ATP8A1: variants seen among roughly 807,000 people sequenced by gnomAD.
ATP8A1 encodes the protein phospholipid-transporting ATPase IA.
A neutral mutation model predicts 177.7 loss-of-function variants in ATP8A1; 90 were observed. That is an observed-to-expected ratio of 0.51 (90% CI 0.43 to 0.60). The LOEUF (loss-of-function observed/expected upper bound fraction) is 0.60. ATP8A1 is among the 20% of genes least tolerant of loss of function. The probability of loss-of-function intolerance (pLI) is 0.00; values close to 1 mark genes in which losing one functional copy is unlikely to be tolerated. For missense variants in ATP8A1, 1,072 were observed against 1,392.8 expected (o/e 0.77, Z 3.67); for synonymous variants, 493 against 485.9 (o/e 1.01, Z -0.19).
At chr4:42,511,082 T>A (rs1486978457) in intron 22 of ATP8A1, among the ~76,000 whole-genome samples, 1 of 152,198 alleles carries the variant, frequency 6.6e-6, no homozygotes, top group Non-Finnish European at 1.5e-5. Context: ...CGTGTTAATT[T>A]TCCCTTTATC....
Position 42,559,346 on chromosome 4 carries a change from G to A in ATP8A1, c.1341-3306C>T, listed in dbSNP as rs116819995. On this transcript the variant is annotated intron_variant, in intron 15 of 36. Transcript: ENST00000381668. ...GATCAACAATGTAGTACAACAATGA[G>A]CAAAGGATATAAACACACAATTCAC... is the stretch of plus-strand genomic sequence containing the variant. Among the ~76,000 whole-genome samples the A allele has an allele frequency of 6.6e-3, 1,000 of 152,242 alleles. 8 individuals are homozygous for A. Among genetic ancestry groups the A allele is most frequent in the Middle Eastern group, 0.021 (6 of 292 alleles).
Position 42,569,210 on chromosome 4 carries a change from A to T in ATP8A1, c.1296-5T>A, listed in dbSNP as rs1731663516. ...TCCTCAGGTTCAGGGACATGGCTTCAGAAAGCAAGAAGAGAGGCAGAAAGA... is the reference window on the plus strand; with the variant it reads ...TCCTCAGGTTCAGGGACATGGCTTCTGAAAGCAAGAAGAGAGGCAGAAAGA... On this transcript the variant is annotated splice_region_variant and splice_polypyrimidine_tract_variant and intron_variant, in intron 14 of 36. Transcript: ENST00000381668. 6.2e-7 allele frequency: 1 copy of T among 1,604,404 alleles called. No individual in the cohort carries two copies. Among genetic ancestry groups the T allele is most frequent in the African/African-American group, 1.3e-5 (1 of 74,386 alleles).
At chr4:42,638,976 A>G (rs558028561) in intron 1 of ATP8A1, among the ~76,000 whole-genome samples, 74 of 152,212 alleles carry the variant, frequency 4.9e-4, no homozygotes, top group Non-Finnish European at 1.0e-3. Flanking sequence ...TGTATCAAAG[A>G]GTTTTTGACT....
At chr4:42,627,470 A>G (rs891839662) in intron 1 of ATP8A1, among the ~76,000 whole-genome samples, 5 of 152,268 alleles carry the variant, frequency 3.3e-5, no homozygotes, top group African/African-American at 1.2e-4. Context: ...AAGGTAATTT[A>G]AAATATAGTC....
At chr4:42,608,833 T>C (rs572592163) in intron 5 of ATP8A1, among the ~76,000 whole-genome samples, 2 of 152,300 alleles carry the variant, frequency 1.3e-5, no homozygotes, top group Admixed American at 6.5e-5. Context: ...GACTATGGCT[T>C]TGACTGGGGC....
chr4:42,516,315 C>T (rs892993039), intron 22 of ATP8A1, among the ~76,000 whole-genome samples: 2 of 152,088 alleles, frequency 1.3e-5, no homozygotes, highest in African/African-American at 4.8e-5. Flanking sequence ...TCTGAGTTTA[C>T]TCTTAAGCTC....
At chr4:42,488,443 C>T (rs571487536) in intron 24 of ATP8A1, among the ~76,000 whole-genome samples, 1 of 152,048 alleles carries the variant, frequency 6.6e-6, no homozygotes, top group African/African-American at 2.4e-5. Context: ...CCAGGCGCAG[C>T]AAGTTAGAAA....
Position 42,602,778 on chromosome 4 carries a change from ATAAAATAAAAT to A in ATP8A1, c.410-2271_410-2261del, listed in dbSNP as rs1307618643. 1.2e-3 allele frequency among the ~76,000 whole-genome samples: 181 copies of A among 150,696 alleles called. 3 individuals carry two copies. Among genetic ancestry groups the A allele is most frequent in the Admixed American group, 0.012 (176 of 15,198 alleles). ...AGCAAGACTCCGTCTCAAAAATAAA[ATAAAATAAAAT>A]TAAAATAAATAAATAAATAAATAAA... On this transcript the variant is annotated intron_variant, in intron 5 of 36. Coordinates refer to ENST00000381668, the MANE Select transcript of ATP8A1 (RefSeq NM_006095.2).
chr4:42,504,134 C>T (rs1255566929), intron 23 of ATP8A1, among the ~76,000 whole-genome samples: 1 of 152,176 alleles, frequency 6.6e-6, no homozygotes, highest in African/African-American at 2.4e-5. Flanking sequence ...TAAAATAATT[C>T]CACTATGTGA....
rs1032281414 is a variant in ATP8A1 at position 42,409,083 on chromosome 4, T to C, written c.*3833A>G. Reference sequence around the variant, plus strand: ...TTAAAAAAGTTGTGCAGAGGACCAATTAATTTGTCTACTGAATTTTAAATT... The same window carrying C: ...TTAAAAAAGTTGTGCAGAGGACCAACTAATTTGTCTACTGAATTTTAAATT... On this transcript the variant is annotated 3_prime_UTR_variant, in exon 37 of 37. Transcript: ENST00000381668. 5.3e-5 allele frequency: 8 copies of C among 152,184 alleles called. No homozygotes were observed. Among genetic ancestry groups the C allele is most frequent in the African/African-American group, 1.7e-4 (7 of 41,458 alleles). The allele number at this position is 152,184 out of a possible 1,614,324, so 9.4% of individuals were successfully genotyped here.
At chr4:42,610,908 C>T (rs895518938) in intron 5 of ATP8A1, among the ~76,000 whole-genome samples, 1 of 152,096 alleles carries the variant, frequency 6.6e-6, no homozygotes, top group Non-Finnish European at 1.5e-5. Context: ...GGGGTACCTC[C>T]AGAGAGACAA....
intron 1 of ATP8A1, among the ~76,000 whole-genome samples, chr4:42,649,053 G>A (rs568324699): frequency 3.8e-4 from 58 of 152,100 alleles, no homozygotes; most frequent in African/African-American, 1.3e-3. Context: ...CCATTTCTAG[G>A]GACTTTGAAC....
At chr4:42,487,546 A>T (rs988051303) in intron 24 of ATP8A1, among the ~76,000 whole-genome samples, 3 of 152,020 alleles carry the variant, frequency 2.0e-5, no homozygotes, top group African/African-American at 7.2e-5. Context: ...TATATAATAA[A>T]ATATACCTAC....
At chr4:42,419,896 G>A (rs1713677865) in intron 35 of ATP8A1, among the ~76,000 whole-genome samples, 1 of 152,126 alleles carries the variant, frequency 6.6e-6, no homozygotes. Context: ...CCAGCTACTA[G>A]GGAGGCTGAG....
intron 15 of ATP8A1, among the ~76,000 whole-genome samples, chr4:42,564,226 C>T (rs1035685192): frequency 1.3e-5 from 2 of 152,170 alleles, no homozygotes; most frequent in Non-Finnish European, 2.9e-5. Context: ...TCTGCTAGCG[C>T]AGTGCAGAAG....
chr4:42,501,946 A>G (rs1262375345), intron 24 of ATP8A1, among the ~76,000 whole-genome samples: 1 of 152,206 alleles, frequency 6.6e-6, no homozygotes, highest in African/African-American at 2.4e-5. Flanking sequence ...TTTGCCTGTG[A>G]TCTTTAAACT....
In ATP8A1 at chr4:42,570,912, T is replaced by A. The variant is rs183061893; in HGVS notation, c.1296-1707A>T. Among the ~76,000 whole-genome samples the A allele has an allele frequency of 2.0e-5, 3 of 152,340 alleles. No homozygotes were observed. In the East Asian group the frequency reaches 5.8e-4, roughly 29 times the overall value. ...GCCTCACATAGACCTCTATACTGTG[T>A]TAGGACTTTATATTTGTCTGTATGA... On this transcript the variant is annotated intron_variant, in intron 14 of 36. Transcript: ENST00000381668.
At chr4:42,588,228 G>T in intron 8 of ATP8A1, 32 bp downstream of exon 8, 5 of 1,531,102 alleles carry the variant, frequency 3.3e-6, no homozygotes, top group Non-Finnish European at 4.5e-6. Flanking sequence ...TAAAATAGCA[G>T]TGATTATACA....
chr4:42,495,763 G>A (rs1371335880), intron 24 of ATP8A1, among the ~76,000 whole-genome samples: 1 of 152,086 alleles, frequency 6.6e-6, no homozygotes, highest in Non-Finnish European at 1.5e-5. Context: ...CAGACAGAAG[G>A]TGAAGTCATT....
Sources: allele counts gnomAD v4.1 joint callset (sites outside exome capture counted in the v4.1 genomes callset), GRCh38; gene constraint gnomAD v4.1.1; transcripts MANE v1.5; gene names NCBI Gene and HGNC (gene_info 2026-07-23, HGNC 2026-07-21).